SGCD: variants seen among roughly 807,000 people sequenced by gnomAD.
SGCD encodes the protein sarcoglycan delta, also known as delta-sarcoglycan.
In SGCD, 18 loss-of-function variants were observed where a neutral mutation model predicts 36.6. The observed-to-expected ratio is 0.49, with a 90% CI of 0.34 to 0.73. The LOEUF (loss-of-function observed/expected upper bound fraction) is 0.73, where lower values mean the gene tolerates loss of function less well. SGCD is among the 30% of genes least tolerant of loss of function. The pLI is 0.01. For synonymous variants in SGCD, 133 were observed against 130.6 expected (o/e 1.02, Z -0.12); for missense variants, 387 against 346.7 (o/e 1.12, Z -0.92).
intron 3 of SGCD, among the ~76,000 whole-genome samples, chr5:156,365,711 G>T (rs1227188144): frequency 4.0e-5 from 6 of 151,874 alleles, no homozygotes; most frequent in Non-Finnish European, 7.4e-5. Context: ...TGTGTATGTA[G>T]ACATATATAC....
At chr5:156,690,558 T>A (rs1754069479) in intron 7 of SGCD, among the ~76,000 whole-genome samples, 1 of 152,056 alleles carries the variant, frequency 6.6e-6, no homozygotes, top group Non-Finnish European at 1.5e-5. Context: ...TAGCACAAAC[T>A]CTCACATCTA....
At chr5:156,282,018 G>A (rs374684509) in intron 3 of SGCD, among the ~76,000 whole-genome samples, 8 of 151,320 alleles carry the variant, frequency 5.3e-5, no homozygotes, top group East Asian at 1.9e-4. Context: ...GGGACAGAGC[G>A]AGACTCCATA....
intron 6 of SGCD, among the ~76,000 whole-genome samples, chr5:156,603,435 T>A (rs374157393): frequency 6.6e-6 from 1 of 152,088 alleles, no homozygotes; most frequent in East Asian, 1.9e-4. Flanking sequence ...CTACTCGATC[T>A]TTATTATTTA....
intron 1 of SGCD, among the ~76,000 whole-genome samples, chr5:156,057,209 T>G (rs556057610): frequency 6.8e-6 from 1 of 146,612 alleles, no homozygotes; most frequent in Non-Finnish European, 1.5e-5. Context: ...CATTAATATA[T>G]GCATTGCCTA....
the SGCD span, among the ~76,000 whole-genome samples, chr5:155,843,462 TTA>T: frequency 6.6e-6 from 1 of 152,066 alleles, no homozygotes; most frequent in African/African-American, 2.4e-5. Context: ...AACAGCAGAT[TTA>T]TATCTTCCAA....
chr5:156,707,879 A>G (rs1167040794), intron 7 of SGCD, among the ~76,000 whole-genome samples: 1 of 152,142 alleles, frequency 6.6e-6, no homozygotes, highest in African/African-American at 2.4e-5. Context: ...TGTGAGCTGT[A>G]TTTTCTTCAA....
intron 3 of SGCD, among the ~76,000 whole-genome samples, chr5:156,124,493 T>C (rs1428701191): frequency 6.6e-6 from 1 of 152,204 alleles, no homozygotes; most frequent in Non-Finnish European, 1.5e-5. Context: ...ATTTATTTTA[T>C]ATCCATGCTG....
intron 3 of SGCD, among the ~76,000 whole-genome samples, chr5:156,407,499 A>G (rs1772490037): frequency 6.6e-6 from 1 of 152,342 alleles, no homozygotes; most frequent in Admixed American, 6.5e-5. Flanking sequence ...ATATCCCCAG[A>G]AACTCATAAA....
chr5:156,380,835 G>T (rs1770937151), intron 3 of SGCD, among the ~76,000 whole-genome samples: 1 of 152,124 alleles, frequency 6.6e-6, no homozygotes, highest in South Asian at 2.1e-4. Context: ...ATTTTAATTT[G>T]AATTATAGGC....
At chr5:156,503,308 C>T (rs547236108) in intron 3 of SGCD, among the ~76,000 whole-genome samples, 3 of 152,010 alleles carry the variant, frequency 2.0e-5, no homozygotes, top group Non-Finnish European at 4.4e-5. Flanking sequence ...AGTGGGCTCT[C>T]CAAAAATAGC....
chr5:156,667,863 A>C (rs977253478), intron 7 of SGCD, among the ~76,000 whole-genome samples: 1 of 152,232 alleles, frequency 6.6e-6, no homozygotes, highest in Admixed American at 6.5e-5. Context: ...AATGTCATCA[A>C]CCAGTACAAA....
chr5:155,943,758 T>C (rs1191875347), intron 1 of SGCD, among the ~76,000 whole-genome samples: 2 of 149,980 alleles, frequency 1.3e-5, no homozygotes, highest in Non-Finnish European at 1.5e-5. Flanking sequence ...TCTGAAAACA[T>C]GTACACACCA....
intron 3 of SGCD, among the ~76,000 whole-genome samples, chr5:156,427,923 G>T (rs563584755): frequency 6.6e-6 from 1 of 152,206 alleles, no homozygotes; most frequent in South Asian, 2.1e-4. Context: ...TTGATATGTT[G>T]TTGGATTCAG....
intron 1 of SGCD, among the ~76,000 whole-genome samples, chr5:156,024,827 G>A (rs760324265): frequency 3.9e-5 from 6 of 151,930 alleles, no homozygotes; most frequent in African/African-American, 9.7e-5. Context: ...GCATGGTGGC[G>A]TGTGCCTGTA....
chr5:156,188,956 A>G (rs945228520), intron 3 of SGCD, among the ~76,000 whole-genome samples: 1 of 152,164 alleles, frequency 6.6e-6, no homozygotes, highest in Non-Finnish European at 1.5e-5. Context: ...ACCCTGTTGT[A>G]GAGTGGGTAA....
intron 4 of SGCD, among the ~76,000 whole-genome samples, chr5:156,576,253 C>A (rs1321328960): frequency 1.3e-5 from 2 of 152,128 alleles, no homozygotes; most frequent in African/African-American, 4.8e-5. Flanking sequence ...AGGACGTGAA[C>A]TCATTCTTTT....
In SGCD at chr5:155,995,608, A is replaced by C. The variant is rs536676956; in HGVS notation, c.-281-122270A>C. Among the ~76,000 whole-genome samples, 3 of 152,350 alleles carry C rather than the reference A, an allele frequency of 2.0e-5. No homozygotes were observed. In the South Asian group the frequency reaches 6.2e-4, roughly 32 times the overall value. On this transcript the variant is annotated intron_variant, in intron 1 of 9. Transcript: ENST00000517913. ...TGCTTTAGTCGTAATTTCCCAAAGC[A>C]GGAATCAACCCGATATCTATCAATA...
intron 7 of SGCD, among the ~76,000 whole-genome samples, chr5:156,678,063 C>G (rs1206354379): frequency 1.3e-5 from 2 of 152,124 alleles, no homozygotes; most frequent in African/African-American, 4.8e-5. Flanking sequence ...ATCCTGATTC[C>G]TGGTCCACAT....
At chr5:156,423,401 TTATAA>T (rs1220679469) in intron 3 of SGCD, among the ~76,000 whole-genome samples, 17 of 98,812 alleles carry the variant, frequency 1.7e-4, no homozygotes, top group African/African-American at 2.6e-4. Flanking sequence ...TTATATTTTA[TTATAA>T]TATAATATAT....
Sources: gnomAD v4.1 joint callset for allele counts (sites outside exome capture counted in the v4.1 genomes callset) on GRCh38, gnomAD v4.1.1 for gene constraint, MANE v1.5 for transcripts, NCBI Gene and HGNC (gene_info 2026-07-23, HGNC 2026-07-21) for gene names.